CDH23: variants seen among roughly 807,000 people sequenced by gnomAD.
The protein encoded by CDH23 is cadherin related 23.
Under a neutral mutation model 317.1 loss-of-function variants are expected in CDH23, and 189 were observed. That is an observed-to-expected ratio of 0.60 (90% CI 0.53 to 0.67). CDH23 has a LOEUF of 0.67. Among genes scored for constraint, CDH23 ranks in the 30% least tolerant of loss-of-function variants. CDH23 has a pLI of 0.00. For missense variants in CDH23, 4,401 were observed against 4,592.4 expected, an observed-to-expected ratio of 0.96 and a Z score of 1.20; for synonymous variants, 1,839 against 1,876.8, an observed-to-expected ratio of 0.98 and a Z score of 0.52.
intron 3 of CDH23, among the ~76,000 whole-genome samples, chr10:71,480,379 G>A (rs1852004590): frequency 6.6e-6 from 1 of 152,248 alleles, no homozygotes; most frequent in African/African-American, 2.4e-5. Context: ...GGACAGTGGT[G>A]AGCAGGATGC....
chr10:71,687,164 G>A (rs1318798590), intron 18 of CDH23, among the ~76,000 whole-genome samples: 2 of 152,198 alleles, frequency 1.3e-5, no homozygotes, highest in Non-Finnish European at 2.9e-5. Context: ...TTGGGCTCTG[G>A]GAACCACCTG....
rs146659734 is a variant in CDH23 at position 71,675,402 on chromosome 10, G to A, written c.1514+226G>A. 9.8e-5 allele frequency among the ~76,000 whole-genome samples: 15 copies of A among 152,300 alleles called. No homozygotes were observed. The East Asian group carries it at 2.3e-3, about 24-fold the overall frequency. On this transcript the variant is annotated intron_variant, in intron 15 of 69. Transcript: ENST00000224721. ...CAACTCTCTGGGGCACAGCTTATCT[G>A]ACCCTCAAAAGATAGCCTTTAGCTT...
chr10:71,643,012 A>G (rs541506169), intron 11 of CDH23, among the ~76,000 whole-genome samples: 171 of 152,322 alleles, frequency 1.1e-3, no homozygotes, highest in African/African-American at 3.8e-3. Flanking sequence ...AAGGAAAACA[A>G]AGCAAATACT....
At chr10:71,425,572 G>A (rs2131964343) in intron 1 of CDH23, among the ~76,000 whole-genome samples, 1 of 152,340 alleles carries the variant, frequency 6.6e-6, no homozygotes, top group East Asian at 1.9e-4. Context: ...CCAGCTGGGG[G>A]TTTGGAGCTC....
intron 7 of CDH23, among the ~76,000 whole-genome samples, chr10:71,569,409 A>T (rs1304499084): frequency 6.6e-6 from 1 of 152,198 alleles, no homozygotes; most frequent in Non-Finnish European, 1.5e-5. Context: ...GGGAGAGCTA[A>T]CCTGGGGACA....
In CDH23 at chr10:71,743,946, G is replaced by A. The variant is rs140807939; in HGVS notation, c.4845+2025G>A. 2.1e-3 allele frequency among the ~76,000 whole-genome samples: 327 copies of A among 152,278 alleles called. 3 individuals are homozygous for A. The highest frequency in any genetic ancestry group is 7.6e-3 in the African/African-American group (314 of 41,556). On this transcript the variant is annotated intron_variant, in intron 38 of 69. Coordinates refer to ENST00000224721, the MANE Select transcript of CDH23 (RefSeq NM_022124.6). ...TCTAGGCATCAAGTCAGCATCCAAGGCAGGAAGATGACAAAAAGATGGCAA... is the reference window on the plus strand; with the variant it reads ...TCTAGGCATCAAGTCAGCATCCAAGACAGGAAGATGACAAAAAGATGGCAA...
chr10:71,682,099 G>A (rs1864676697), intron 17 of CDH23, among the ~76,000 whole-genome samples: 1 of 152,196 alleles, frequency 6.6e-6, no homozygotes, highest in Non-Finnish European at 1.5e-5. Context: ...CTAAGAAAGA[G>A]CCTGGGTTCT....
chr10:71,566,516 G>A (rs1408208610), intron 6 of CDH23, among the ~76,000 whole-genome samples: 1 of 151,960 alleles, frequency 6.6e-6, no homozygotes, highest in Non-Finnish European at 1.5e-5. Flanking sequence ...AATCATCTTT[G>A]GAACTGGTGC....
chr10:71,399,489 G>C (rs1309008015), intron 1 of CDH23, among the ~76,000 whole-genome samples: 1 of 152,242 alleles, frequency 6.6e-6, no homozygotes, highest in Non-Finnish European at 1.5e-5. Flanking sequence ...GCTAGGCTCG[G>C]ATTAATAGTC....
At chr10:71,406,698 G>C (rs543174586) in intron 1 of CDH23, among the ~76,000 whole-genome samples, 241 of 152,356 alleles carry the variant, frequency 1.6e-3, no homozygotes, top group Non-Finnish European at 2.0e-3. Context: ...TGAGATGTTA[G>C]CAACGAATTT....
chr10:71,814,870 T>G, intron 69 of CDH23, 82 bp from the exon 70 acceptor site: 1 of 1,444,718 alleles, frequency 6.9e-7, no homozygotes, highest in Non-Finnish European at 9.2e-7. Flanking sequence ...TTCAGCCACA[T>G]AGCCAGTGGG....
chr10:71,731,991 T>C lies in CDH23; in HGVS notation c.3720T>C (p.Asp1240=). 1.2e-6 allele frequency: 2 copies of C among 1,613,458 alleles called. No individual in the cohort carries two copies. The highest frequency in any genetic ancestry group is 1.7e-6 in the Non-Finnish European group (2 of 1,179,536). Residue 1240 remains aspartate (D), a synonymous_variant, in exon 32 of 70, where the codon GAT becomes GAC. Coordinates refer to ENST00000224721, the MANE Select transcript of CDH23 (RefSeq NM_022124.6). ...AGCCTCTGTGTCCTCCTACAGGGGA[T>C]GGTGGCCTGGTGAACTACCGCATCC... ...VVQATDRDSG[D]GGLVNYRILS... is the part of the protein sequence containing the mutation.
At chr10:71,524,023 T>A (rs1038123795) in intron 6 of CDH23, among the ~76,000 whole-genome samples, 2 of 152,358 alleles carry the variant, frequency 1.3e-5, no homozygotes. Context: ...CAGCTTCCCC[T>A]GGGATCTTCC....
intron 55 of CDH23, among the ~76,000 whole-genome samples, chr10:71,805,453 C>T (rs1180759632): frequency 6.6e-6 from 1 of 152,200 alleles, no homozygotes; most frequent in East Asian, 1.9e-4. Context: ...GTGGCCTCAG[C>T]ACTTAGATCC....
At chr10:71,655,856 A>G (rs1242023712) in intron 14 of CDH23, among the ~76,000 whole-genome samples, 1 of 152,024 alleles carries the variant, frequency 6.6e-6, no homozygotes, top group Non-Finnish European at 1.5e-5. Flanking sequence ...CCCATCGGCA[A>G]CGGAGATGTT....
intron 11 of CDH23, among the ~76,000 whole-genome samples, chr10:71,641,248 C>T (rs570913704): frequency 7.2e-5 from 11 of 152,294 alleles, no homozygotes; most frequent in Non-Finnish European, 1.3e-4. Flanking sequence ...TTCCCAGCCC[C>T]CAGAGATGAT....
intron 6 of CDH23, among the ~76,000 whole-genome samples, chr10:71,554,063 C>A (rs577993253): frequency 6.6e-6 from 1 of 152,230 alleles, no homozygotes; most frequent in South Asian, 2.1e-4. Context: ...TACACAGCCC[C>A]GTGAGGTAAT....
intron 6 of CDH23, among the ~76,000 whole-genome samples, chr10:71,540,508 C>T (rs952056779): frequency 2.6e-5 from 4 of 152,130 alleles, no homozygotes; most frequent in Admixed American, 6.5e-5. Context: ...ACAAACCACA[C>T]GTGCTGTTGG....
chr10:71,755,171 G>A (rs149669434), intron 38 of CDH23: 90 of 687,880 alleles, frequency 1.3e-4, no homozygotes, highest in Middle Eastern at 4.8e-4. Flanking sequence ...CTTGGCCCCC[G>A]GAAATGGCAT....
Sources: allele counts gnomAD v4.1 joint callset (sites outside exome capture counted in the v4.1 genomes callset), GRCh38; gene constraint gnomAD v4.1.1; transcripts MANE v1.5; gene names NCBI Gene and HGNC (gene_info 2026-07-23, HGNC 2026-07-21).